Variants in GRIK1 observed in about 807,000 individuals in gnomAD.
GRIK1 encodes the protein glutamate ionotropic receptor kainate type subunit 1.
In GRIK1, 69 loss-of-function variants were observed where a neutral mutation model predicts 105.7. The ratio of observed to expected loss-of-function variants is 0.65; its 90% CI spans 0.54 to 0.80. The LOEUF (loss-of-function observed/expected upper bound fraction) is 0.80. Ranked by LOEUF, GRIK1 falls within the 30% of genes least tolerant of loss-of-function variation. The pLI, the probability that GRIK1 is intolerant of heterozygous loss-of-function variation, is 0.00. For missense variants in GRIK1, 1,109 were observed against 1,167.3 expected, an observed-to-expected ratio of 0.95 and a Z score of 0.73; for synonymous variants, 438 against 431.3, an observed-to-expected ratio of 1.02 and a Z score of -0.19.
At chr21:29,816,731 G>A (rs1422970035) in intron 1 of GRIK1, among the ~76,000 whole-genome samples, 1 of 152,070 alleles carries the variant, frequency 6.6e-6, no homozygotes, top group Non-Finnish European at 1.5e-5. Flanking sequence ...ATATGTGGGA[G>A]CTAAGAAAGT....
At chr21:29,689,325 T>C (rs1286650292) in intron 3 of GRIK1, among the ~76,000 whole-genome samples, 5 of 152,206 alleles carry the variant, frequency 3.3e-5, no homozygotes, top group Non-Finnish European at 7.4e-5. Context: ...TTTGTTAACT[T>C]ACGTTAGAAA....
intron 1 of GRIK1, among the ~76,000 whole-genome samples, chr21:29,758,483 C>G (rs1375620827): frequency 6.6e-6 from 1 of 152,154 alleles, no homozygotes; most frequent in Non-Finnish European, 1.5e-5. Flanking sequence ...GAAAGACCTG[C>G]CCCCAAAATT....
chr21:29,637,842 GAACA>G (rs1401868118), intron 7 of GRIK1, among the ~76,000 whole-genome samples: 2 of 152,110 alleles, frequency 1.3e-5, no homozygotes, highest in African/African-American at 4.8e-5. Flanking sequence ...CACCTTTCTT[GAACA>G]ATCATGTGTG....
intron 1 of GRIK1, among the ~76,000 whole-genome samples, chr21:29,891,383 C>G (rs903794931): frequency 3.9e-5 from 6 of 152,144 alleles, no homozygotes; most frequent in Non-Finnish European, 5.9e-5. Context: ...AGGAAGGCAG[C>G]CAAGTACTTT....
At chr21:29,911,187 T>C (rs1013078220) in intron 1 of GRIK1, among the ~76,000 whole-genome samples, 1 of 152,022 alleles carries the variant, frequency 6.6e-6, no homozygotes, top group South Asian at 2.1e-4. Context: ...TATAGAGAGA[T>C]TGAGTAACTT....
At chr21:29,777,901 T>C (rs1433040531) in intron 1 of GRIK1, among the ~76,000 whole-genome samples, 3 of 152,190 alleles carry the variant, frequency 2.0e-5, no homozygotes, top group Admixed American at 2.0e-4. Flanking sequence ...ATGATACCTC[T>C]AATTTAGGTT....
intron 3 of GRIK1, among the ~76,000 whole-genome samples, chr21:29,678,463 C>G (rs957498961): frequency 1.3e-5 from 2 of 152,128 alleles, no homozygotes; most frequent in Admixed American, 1.3e-4. Context: ...GTATTGCACT[C>G]AGCTCCACCA....
In GRIK1 at chr21:29,800,547, G is replaced by A. The variant is rs150532878; in HGVS notation, c.119-106484C>T. ...GAATGTGTTCTTAACATTTCCTAAT[G>A]GTCAATTGTTTCTTTATTGTACTTG... On this transcript the variant is annotated intron_variant, in intron 1 of 17. Transcript: ENST00000327783. Among the ~76,000 whole-genome samples, 1,052 of 152,250 alleles carry A rather than the reference G, an allele frequency of 6.9e-3. 8 individuals are homozygous for A. The highest frequency in any genetic ancestry group is 0.024 in the African/African-American group (1,004 of 41,554).
intron 7 of GRIK1, among the ~76,000 whole-genome samples, chr21:29,628,554 T>C (rs1379154538): frequency 1.3e-5 from 2 of 152,228 alleles, no homozygotes; most frequent in Non-Finnish European, 2.9e-5. Context: ...TATCTTAGAA[T>C]ACACACCTGG....
intron 1 of GRIK1, among the ~76,000 whole-genome samples, chr21:29,840,727 G>C (rs1463252648): frequency 6.6e-6 from 1 of 152,106 alleles, no homozygotes; most frequent in Non-Finnish European, 1.5e-5. Context: ...AACAATTAAT[G>C]ACTTTTTCTG....
At chr21:29,550,638 G>A (rs1334473227) in intron 16 of GRIK1, among the ~76,000 whole-genome samples, 2 of 152,142 alleles carry the variant, frequency 1.3e-5, no homozygotes, top group Non-Finnish European at 2.9e-5. Flanking sequence ...CTCTGCCATT[G>A]ATTTGTAATG....
At chr21:29,641,312 G>A (rs767656155) in intron 7 of GRIK1, among the ~76,000 whole-genome samples, 15 of 152,168 alleles carry the variant, frequency 9.9e-5, no homozygotes, top group Non-Finnish European at 2.1e-4. Flanking sequence ...TCTCGTGATA[G>A]CGAATAAGTC....
intron 7 of GRIK1, among the ~76,000 whole-genome samples, chr21:29,616,250 CT>C (rs2061848465): frequency 6.6e-6 from 1 of 152,186 alleles, no homozygotes; most frequent in Non-Finnish European, 1.5e-5. Context: ...ACACAGGAGA[CT>C]GACTGAACCC....
intron 1 of GRIK1, among the ~76,000 whole-genome samples, chr21:29,799,597 T>G (rs897407940): frequency 2.6e-5 from 4 of 152,222 alleles, no homozygotes; most frequent in African/African-American, 9.6e-5. Context: ...TGGCACAATC[T>G]TGCCTCAGTG....
chr21:29,589,011 T>C lies in GRIK1; in HGVS notation c.1397A>G (p.Asp466Gly). 6.2e-7 allele frequency: 1 copy of C among 1,600,024 alleles called. No individual in the cohort carries two copies. Among genetic ancestry groups the C allele is most frequent in the Non-Finnish European group, 8.6e-7 (1 of 1,167,158 alleles). ...TCTGTCATTTCCATATAGAGGCTTATCAGATTTCCTGTACATAACATAGGG... is the reference window on the plus strand; with the variant it reads ...TCTGTCATTTCCATATAGAGGCTTACCAGATTTCCTGTACATAACATAGGG... ...EEPYVMYRKS[D>G]KPLYGNDRFE... Residue 466 changes from aspartate (D) to glycine (G), a missense_variant, in exon 11 of 18, where the codon GAT becomes GGT. Asp to Gly is a moderately conservative substitution (Grantham distance 94). This residue lies in a region of GRIK1 where 612 missense variants were observed against 586.0 expected (regional missense o/e 1.04). Coordinates refer to ENST00000327783, the MANE Select transcript of GRIK1 (RefSeq NM_001330994.2).
intron 1 of GRIK1, among the ~76,000 whole-genome samples, chr21:29,834,907 T>G (rs2067745062): frequency 6.7e-6 from 1 of 150,278 alleles, no homozygotes; most frequent in African/African-American, 2.5e-5. Flanking sequence ...TACTGGAGGG[T>G]TTTTTGTATC....
At chr21:29,905,619 A>ATTT (rs869179451) in intron 1 of GRIK1, among the ~76,000 whole-genome samples, 239 of 72,580 alleles carry the variant, frequency 3.3e-3, no homozygotes, top group Non-Finnish European at 3.9e-3. Context: ...CAAATTTTGT[A>ATTT]TTTTTTTTTT....
chr21:29,686,406 C>T (rs1057394613), intron 3 of GRIK1, among the ~76,000 whole-genome samples: 2 of 151,912 alleles, frequency 1.3e-5, no homozygotes, highest in African/African-American at 4.8e-5. Flanking sequence ...GCCAGGAGGG[C>T]CAGTGAGGAG....
intron 6 of GRIK1, among the ~76,000 whole-genome samples, chr21:29,648,395 G>C (rs904730570): frequency 1.3e-5 from 2 of 152,070 alleles, no homozygotes; most frequent in Non-Finnish European, 2.9e-5. Context: ...TACTAATCAT[G>C]CACATTCACA....
Sources: gnomAD v4.1 joint callset for allele counts (sites outside exome capture counted in the v4.1 genomes callset) on GRCh38, gnomAD v4.1.1 for gene constraint, gnomAD v4.1.1 regional missense constraint, MANE v1.5 for transcripts, NCBI Gene and HGNC (gene_info 2026-07-23, HGNC 2026-07-21) for gene names.